Variants in NFIB observed in about 807,000 individuals in gnomAD.
NFIB encodes the protein nuclear factor I B.
NFIB carries 11 observed loss-of-function variants against 61.5 expected under a neutral mutation model. The observed-to-expected ratio is 0.18, with a 90% CI of 0.11 to 0.30. The LOEUF (loss-of-function observed/expected upper bound fraction) is 0.30, where lower values mean the gene tolerates loss of function less well. Ranked by LOEUF, NFIB falls within the 10% of genes least tolerant of loss-of-function variation. The pLI is 1.00. For synonymous variants in NFIB, 260 were observed against 216.5 expected, an observed-to-expected ratio of 1.20 and a Z score of -1.76; for missense variants, 471 against 608.9, an observed-to-expected ratio of 0.77 and a Z score of 2.38.
chr9:14,332,852 C>T (rs1248602348), intron 1 of NFIB, among the ~76,000 whole-genome samples: 2 of 152,102 alleles, frequency 1.3e-5, no homozygotes, highest in Non-Finnish European at 2.9e-5. Context: ...AAACATAGAG[C>T]TTGTGTGCTG....
intron 1 of NFIB, chr9:14,322,202 C>T (rs960273029): frequency 5.2e-6 from 5 of 965,792 alleles, no homozygotes; most frequent in Non-Finnish European, 6.7e-6. Flanking sequence ...AGTCTAAAAG[C>T]AGGCAGCCCT....
intron 10 of NFIB, among the ~76,000 whole-genome samples, chr9:14,101,132 A>G (rs957172102): frequency 4.6e-5 from 7 of 152,212 alleles, no homozygotes; most frequent in Middle Eastern, 3.2e-3. Context: ...TAAGACTATT[A>G]ATCATTAAGG....
intron 2 of NFIB, 76 bp downstream of exon 2, chr9:14,306,913 T>G (rs2060049348): frequency 1.3e-6 from 2 of 1,558,944 alleles, no homozygotes; most frequent in Non-Finnish European, 1.7e-6. Context: ...ACCATCTAAC[T>G]CAAGCCAGAT....
At chr9:14,315,608 G>C (rs1272652063), upstream of NFIB, among the ~76,000 whole-genome samples, 1 of 145,462 alleles carries the variant, frequency 6.9e-6, no homozygotes, top group Non-Finnish European at 1.5e-5. Context: ...TGAGCCGCTC[G>C]GCGCCCGCGC....
At chr9:14,476,258 T>C in the NFIB span, among the ~76,000 whole-genome samples, 1 of 151,976 alleles carries the variant, frequency 6.6e-6, no homozygotes, top group Admixed American at 6.6e-5. Context: ...TTTTTTTTTT[T>C]TTCACCTGGG....
At chr9:14,378,227 C>T (rs982514125) in intron 1 of NFIB, among the ~76,000 whole-genome samples, 3 of 152,160 alleles carry the variant, frequency 2.0e-5, no homozygotes, top group African/African-American at 4.8e-5. Context: ...AAGGAATGCA[C>T]GTGAGAGATT....
At chr9:14,393,265 C>T (rs1279650961) in intron 1 of NFIB, among the ~76,000 whole-genome samples, 2 of 152,102 alleles carry the variant, frequency 1.3e-5, no homozygotes, top group Admixed American at 6.5e-5. Flanking sequence ...ACATCTTTGT[C>T]ACACTGCAAC....
chr9:14,261,414 C>T (rs902082726), intron 2 of NFIB, among the ~76,000 whole-genome samples: 9 of 152,330 alleles, frequency 5.9e-5, no homozygotes, highest in African/African-American at 2.2e-4. Context: ...ATAATATATA[C>T]CATTCATATC....
intron 10 of NFIB, among the ~76,000 whole-genome samples, chr9:14,110,319 G>C (rs2118991722): frequency 6.6e-6 from 1 of 152,006 alleles, no homozygotes; most frequent in Non-Finnish European, 1.5e-5. Flanking sequence ...TAACCTAAAA[G>C]GATAAATCTT....
At chr9:14,111,280 T>C (rs985913221) in intron 10 of NFIB, among the ~76,000 whole-genome samples, 1 of 152,162 alleles carries the variant, frequency 6.6e-6, no homozygotes, top group Non-Finnish European at 1.5e-5. Context: ...ACTTTAGTAA[T>C]CATAATTACA....
At chr9:14,427,947 T>TGTTTG in the NFIB span, among the ~76,000 whole-genome samples, 1 of 101,626 alleles carries the variant, frequency 9.8e-6, no homozygotes, top group African/African-American at 4.0e-5. Flanking sequence ...GTTTTTTTTT[T>TGTTTG]TTTTTTTTTT....
At chr9:14,160,110 T>C (rs1443278746) in intron 3 of NFIB, among the ~76,000 whole-genome samples, 1 of 152,188 alleles carries the variant, frequency 6.6e-6, no homozygotes, top group Non-Finnish European at 1.5e-5. Context: ...TTACACTACA[T>C]GTGTGCTTTT....
intron 2 of NFIB, among the ~76,000 whole-genome samples, chr9:14,218,434 C>A (rs1437664124): frequency 6.6e-6 from 1 of 152,120 alleles, no homozygotes; most frequent in African/African-American, 2.4e-5. Context: ...TAAGCCAACA[C>A]AGCTTTTATC....
intron 2 of NFIB, among the ~76,000 whole-genome samples, chr9:14,225,325 C>A (rs1371722435): frequency 1.3e-5 from 2 of 151,788 alleles, no homozygotes; most frequent in East Asian, 3.9e-4. Context: ...TACATTCCTC[C>A]TCAAGAAGAA....
At chr9:14,386,017 A>C (rs1055688272) in intron 1 of NFIB, among the ~76,000 whole-genome samples, 1 of 152,106 alleles carries the variant, frequency 6.6e-6, no homozygotes, top group Admixed American at 6.6e-5. Context: ...TCCTGACCTC[A>C]GGTGATCTAC....
the NFIB span, among the ~76,000 whole-genome samples, chr9:14,408,211 A>G: frequency 6.6e-6 from 1 of 152,208 alleles, no homozygotes; most frequent in African/African-American, 2.4e-5. Context: ...GCTGGGCCTC[A>G]TGGATCTGGA....
intron 5 of NFIB, among the ~76,000 whole-genome samples, chr9:14,147,706 A>G (rs1008016433): frequency 1.4e-5 from 2 of 146,106 alleles, no homozygotes; most frequent in African/African-American, 2.6e-5. Context: ...CTGTGGCTCA[A>G]TCTTGGCTCA....
At chr9:14,102,573 A>C in intron 10 of NFIB, 1 of 1,324,992 alleles carries the variant, frequency 7.5e-7, no homozygotes, top group South Asian at 1.3e-5. Flanking sequence ...TAGTATTTAA[A>C]TGAACACATG....
At chr9:14,194,439 A>T (rs1263789636) in intron 2 of NFIB, among the ~76,000 whole-genome samples, 1 of 152,214 alleles carries the variant, frequency 6.6e-6, no homozygotes, top group Non-Finnish European at 1.5e-5. Flanking sequence ...AATGGCAGGT[A>T]GAATGGGTGG....
Sources: gnomAD v4.1 joint callset for allele counts (sites outside exome capture counted in the v4.1 genomes callset) on GRCh38, gnomAD v4.1.1 for gene constraint, MANE v1.5 for transcripts, NCBI Gene and HGNC (gene_info 2026-07-23, HGNC 2026-07-21) for gene names.